The following ABCA2 variants were observed in gnomAD, a reference collection of about 807,000 sequenced individuals.
The protein encoded by ABCA2 is ATP binding cassette subfamily A member 2, also known as ATP-binding cassette sub-family A member 2.
Under a neutral mutation model 262.8 loss-of-function variants are expected in ABCA2, and 84 were observed. The ratio of observed to expected loss-of-function variants is 0.32; its 90% CI spans 0.27 to 0.38. ABCA2 has a LOEUF of 0.38. ABCA2 is among the 10% of genes least tolerant of loss of function. The pLI, the probability that ABCA2 is intolerant of heterozygous loss-of-function variation, is 1.00. For synonymous variants in ABCA2, 1,696 were observed against 1,502.9 expected, an observed-to-expected ratio of 1.13 and a Z score of -2.97; for missense variants, 2,662 against 3,405.9, an observed-to-expected ratio of 0.78 and a Z score of 5.44.
Position 137,020,240 on chromosome 9 carries a change from T to A in ABCA2, c.1425+96A>T, listed in dbSNP as rs1304291394. ...AGCTGCACCCCGTACCCCTCCCGTGTCAATTCTGCCGACACCCTCTGCCCA... is the reference window on the plus strand; with the variant it reads ...AGCTGCACCCCGTACCCCTCCCGTGACAATTCTGCCGACACCCTCTGCCCA... On this transcript the variant is annotated intron_variant, in intron 10 of 48. Transcript: ENST00000341511. The A allele has an allele frequency of 5.2e-6, 8 of 1,545,920 alleles. No homozygotes were observed. In the Admixed American group the frequency reaches 1.4e-4, roughly 26 times the overall value.
chr9:137,017,723 C>G, intron 16 of ABCA2, 31 bp from the exon 17 acceptor site: 2 of 1,609,406 alleles, frequency 1.2e-6, no homozygotes, highest in Non-Finnish European at 1.7e-6. Flanking sequence ...TGGGGCAGGC[C>G]CCGGGGAGGA....
intron 45 of ABCA2, 131 bp from the exon 46 acceptor site, chr9:137,009,184 A>G: frequency 2.0e-6 from 1 of 502,364 alleles, no homozygotes; most frequent in East Asian, 5.8e-5. Context: ...CCCCAACCCC[A>G]CAGCCCCCAC....
rs200148016 is a variant in ABCA2, at chr9:137,012,945, C to T, written c.4868-20G>A. The stretch of plus-strand genomic sequence containing the variant: ...ACATTTCTGTGGGCACAGCATGGTG[C>T]GGTGAGAAGGACCCCTCACTGCCCC... On this transcript the variant is annotated intron_variant, in intron 30 of 48. Transcript: ENST00000341511. The T allele has an allele frequency of 4.2e-5, 63 of 1,490,320 alleles. No homozygotes were observed. The African/African-American group carries it at 6.8e-4, about 16-fold the overall frequency. 92.3% of individuals were successfully genotyped at this position (1,490,320 alleles called of 1,614,324 possible). A position where few individuals can be genotyped will look rare whatever the true frequency, so the allele number is the denominator to read the frequency against.
At chr9:137,023,515 C>A (rs1831549949) in intron 3 of ABCA2, 1 of 747,244 alleles carries the variant, frequency 1.3e-6, no homozygotes, top group Admixed American at 1.7e-5. Flanking sequence ...GCTCCAGCCC[C>A]AGCCCAGGCC....
rs367828133 is a variant in ABCA2 at position 137,022,368 on chromosome 9, G to C, written c.550C>G (p.Arg184Gly). ...TGCCTTACCTCGGGCGGGTCCACAC[G>C]GGCGGCCAAGAGTGCTTGGGCCGTG... Reference protein sequence around the residue: ...NSTAQALLAARVDPPEVYHLL... With the variant: ...NSTAQALLAAGVDPPEVYHLL... The change falls in exon 6 of 49, where the codon CGT (arginine) becomes GGT (glycine). Residue 184 changes from arginine (R) to glycine (G), a missense_variant. Transcript: ENST00000341511. 4 of 1,608,956 alleles carry C rather than the reference G, an allele frequency of 2.5e-6. No homozygotes were observed. Among genetic ancestry groups the C allele is most frequent in the Non-Finnish European group, 3.4e-6 (4 of 1,178,428 alleles).
At chr9:137,020,175 C>T (rs934707440) in intron 10 of ABCA2, 161 bp downstream of exon 10, 16 of 867,492 alleles carry the variant, frequency 1.8e-5, no homozygotes, top group Non-Finnish European at 2.6e-5. Context: ...GGAAAAGCGA[C>T]CCCCTGGTCC....
chr9:137,020,591 G>T, intron 9 of ABCA2, 96 bp from the exon 10 acceptor site: 1 of 1,551,684 alleles, frequency 6.4e-7, no homozygotes, highest in South Asian at 1.2e-5. Flanking sequence ...CGGGGCACAG[G>T]GCAGGGCGCC....
Position 137,017,118 on chromosome 9 carries a change from T to A in ABCA2, c.2560A>T (p.Met854Leu). 6.2e-7 allele frequency: 1 copy of A among 1,612,476 alleles called. No homozygotes were observed. Among genetic ancestry groups the A allele is most frequent in the East Asian group, 2.2e-5 (1 of 44,868 alleles). ...TAFEKCIASL[M>L]STTAFGLGSK... ...CCCAGACCAAAGGCCGTCGTGGACA[T>A]GAGGGACTGAGAAGGCAGTGGTGTC... The change falls in exon 19 of 49, where the codon ATG becomes TTG. Residue 854 changes from methionine to leucine, a missense_variant. Transcript: ENST00000341511.
chr9:137,020,566 G>A, intron 9 of ABCA2, 71 bp from the exon 10 acceptor site: 1 of 1,544,862 alleles, frequency 6.5e-7, no homozygotes, highest in Non-Finnish European at 8.7e-7. Context: ...GGGGCATCGG[G>A]ATGGGGCAGG....
chr9:137,009,689 C>T, intron 43 of ABCA2, 45 bp from the exon 44 acceptor site: 1 of 1,611,952 alleles, frequency 6.2e-7, no homozygotes, highest in South Asian at 1.1e-5. Context: ...CCCACACACC[C>T]CAGCCTGAAC....
chr9:137,015,839 C>T lies in ABCA2; in HGVS notation c.3350G>A (p.Arg1117Gln), dbSNP rs770229465. The change falls in exon 23 of 49, where the codon CGG (arginine) becomes CAG (glutamine). Residue 1117 changes from arginine (R) to glutamine (Q), a missense_variant. Arg to Gln is a conservative substitution (Grantham distance 43). Transcript: ENST00000341511. ...MIEDLELSNK[R>Q]HSLVQTLSGG... ...CGACAATGTCTGCACCAGTGAGTGC[C>T]GTTTGTTGGAGAGCTCCAGGTCCTC... 6.8e-6 allele frequency: 11 copies of T among 1,610,856 alleles called. No individual in the cohort carries two copies. Among genetic ancestry groups the T allele is most frequent in the East Asian group, 4.5e-5 (2 of 44,804 alleles).
rs763393431 is a variant in ABCA2, at chr9:137,009,008, C to T, written c.6873G>A (p.Gln2291=). ...AGAACCGCACCACGTCCTTCACACT[C>T]TGGCTGCTCTTGGTCCGCACCGTGA... The part of the protein sequence containing the change: ...YMITVRTKSS[Q]SVKDVVRFFN... The change falls in exon 46 of 49, where the codon CAG becomes CAA. Residue 2291 remains glutamine (Q), a synonymous_variant. Coordinates refer to ENST00000341511, the MANE Select transcript of ABCA2 (RefSeq NM_001606.5). 20 of 1,609,346 alleles carry T rather than the reference C, an allele frequency of 1.2e-5. No homozygotes were observed. Among genetic ancestry groups the T allele is most frequent in the Non-Finnish European group, 1.5e-5 (18 of 1,179,762 alleles).
rs1199896593 is a variant in ABCA2 at position 137,014,900 on chromosome 9, T to A, written c.3882+13A>T. The A allele has an allele frequency of 1.3e-6, 2 of 1,578,090 alleles. No individual in the cohort carries two copies. The highest frequency in any genetic ancestry group is 1.2e-5 in the South Asian group (1 of 86,340). On this transcript the variant is annotated intron_variant, in intron 25 of 48. Transcript: ENST00000341511. ...CCACCTGCAACTGCCCCCCGACCCGTGCGCCCTCACACCTGGAAGAGGCGC... is the reference window on the plus strand; with the variant it reads ...CCACCTGCAACTGCCCCCCGACCCGAGCGCCCTCACACCTGGAAGAGGCGC...
intron 1 of ABCA2, chr9:137,027,367 T>TC (rs1831686398): frequency 6.6e-6 from 1 of 152,486 alleles, no homozygotes; most frequent in African/African-American, 2.4e-5. Context: ...AAGCCGGGGT[T>TC]CACAGCTCCA....
At chr9:137,009,716 C>A in intron 43 of ABCA2, 53 bp downstream of exon 43, 3 of 1,609,984 alleles carry the variant, frequency 1.9e-6, no homozygotes, top group South Asian at 2.2e-5. Context: ...CCTGCCCGTG[C>A]TCACCAGGAA....
chr9:137,018,104 G>A (rs545465685), intron 14 of ABCA2, 29 bp from the exon 15 acceptor site: 17 of 1,610,410 alleles, frequency 1.1e-5, no homozygotes, highest in East Asian at 4.5e-5. Flanking sequence ...ATCAGGTGCC[G>A]GGCAGGCCCT....
In ABCA2 at chr9:137,012,604, T is replaced by A. The variant is rs1268862520; in HGVS notation, c.5082-14A>T. On this transcript the variant is annotated splice_polypyrimidine_tract_variant and intron_variant, in intron 31 of 48. Transcript: ENST00000341511. ...ATGGCCCCATACCTGGGCAGGCAGGTGGGAGGGGCGGTGAGGCTAGGCAGG... is the reference window on the plus strand; with the variant it reads ...ATGGCCCCATACCTGGGCAGGCAGGAGGGAGGGGCGGTGAGGCTAGGCAGG... 3 of 1,610,548 alleles carry A rather than the reference T, an allele frequency of 1.9e-6. No homozygotes were observed. Among genetic ancestry groups the A allele is most frequent in the Admixed American group, 1.7e-5 (1 of 59,970 alleles).
upstream of ABCA2, chr9:137,028,730 A>G (rs1831752658): frequency 2.4e-6 from 3 of 1,267,006 alleles, no homozygotes; most frequent in Admixed American, 3.2e-5. This position sits in a 1 kb window ranked among gnomAD's most constrained non-coding sequence, Gnocchi z 6.9. Context: ...GAAGGGAGGC[A>G]GGGCGGCCAG....
At position 137,011,427 on chromosome 9, in the gene ABCA2, G is replaced by T; in HGVS notation, c.5779C>A (p.Gln1927Lys). The change falls in exon 37 of 49, where the codon CAG (glutamine) becomes AAG (lysine). Residue 1927 changes from glutamine to lysine, a missense_variant. Transcript: ENST00000341511. The surrounding 1 kb of genome is among the most constrained non-coding windows in gnomAD (Gnocchi z 8.8). ...ITATVATFLLQLFEHDKDLKV... is the reference protein window; with the variant it reads ...ITATVATFLLKLFEHDKDLKV... ...CCCACCTTGTCGTGCTCGAAGAGCT[G>T]TAGCAGGAAGGTGGCCACGGTGGCG... 6.2e-7 allele frequency: 1 copy of T among 1,611,502 alleles called. No homozygotes were observed. Among genetic ancestry groups the T allele is most frequent in the Non-Finnish European group, 8.5e-7 (1 of 1,179,456 alleles).
Sources: gnomAD v4.1 joint callset for allele counts on GRCh38, gnomAD v4.1.1 for gene constraint, Gnocchi (gnomAD v3.1) non-coding constraint, MANE v1.5 for transcripts, NCBI Gene and HGNC (gene_info 2026-07-23, HGNC 2026-07-21) for gene names.